THSD7A: variants seen among roughly 807,000 people sequenced by gnomAD.
THSD7A encodes the protein thrombospondin type-1 domain-containing protein 7A.
Under a neutral mutation model 231.3 loss-of-function variants are expected in THSD7A, and 96 were observed. The observed-to-expected ratio is 0.41, with a 90% confidence interval of 0.35 to 0.49. The LOEUF (loss-of-function observed/expected upper bound fraction) is 0.49, where lower values mean the gene tolerates loss of function less well. Among genes scored for constraint, THSD7A ranks in the 20% least tolerant of loss-of-function variants. The pLI is 0.05. For missense variants in THSD7A, 2,290 were observed against 2,070.2 expected (o/e 1.11, Z -2.06); for synonymous variants, 940 against 743.3 (o/e 1.26, Z -4.30).
intron 23 of THSD7A, among the ~76,000 whole-genome samples, chr7:11,400,758 C>A (rs1293244471): frequency 6.6e-6 from 1 of 152,032 alleles, no homozygotes; most frequent in Non-Finnish European, 1.5e-5. Flanking sequence ...TATTCTTTTC[C>A]AACACTTTAA....
chr7:11,697,242 C>T (rs921324306), intron 1 of THSD7A, among the ~76,000 whole-genome samples: 1 of 151,350 alleles, frequency 6.6e-6, no homozygotes. Flanking sequence ...CCTCCAAAAC[C>T]TCATTGCATT....
chr7:11,542,627 G>GA (rs1789200756), intron 5 of THSD7A, among the ~76,000 whole-genome samples: 1 of 152,052 alleles, frequency 6.6e-6, no homozygotes, highest in Non-Finnish European at 1.5e-5. Context: ...GGGGACAAAG[G>GA]TTTAGATATG....
At chr7:11,567,947 A>C (rs1790435368) in intron 4 of THSD7A, among the ~76,000 whole-genome samples, 1 of 152,114 alleles carries the variant, frequency 6.6e-6, no homozygotes, top group Non-Finnish European at 1.5e-5. Flanking sequence ...ATTACTATTA[A>C]TGAGTCCTTA....
At chr7:11,417,402 C>T in intron 17 of THSD7A, 48 bp downstream of exon 17, 5 of 1,469,980 alleles carry the variant, frequency 3.4e-6, no homozygotes, top group Non-Finnish European at 4.5e-6. Context: ...GCTTCAGTGG[C>T]AAATAATTAA....
chr7:11,826,181 G>T (rs1214907660), intron 1 of THSD7A, among the ~76,000 whole-genome samples: 1 of 152,180 alleles, frequency 6.6e-6, no homozygotes, highest in Non-Finnish European at 1.5e-5. Flanking sequence ...GTAATGTCCT[G>T]CATTAGATGA....
intron 1 of THSD7A, among the ~76,000 whole-genome samples, chr7:11,716,084 G>C (rs1781125676): frequency 6.6e-6 from 1 of 151,482 alleles, no homozygotes; most frequent in Non-Finnish European, 1.5e-5. Flanking sequence ...CTCTCAATTA[G>C]AACACTAAGT....
intron 1 of THSD7A, among the ~76,000 whole-genome samples, chr7:11,772,552 A>T (rs1162506163): frequency 1.3e-5 from 2 of 152,214 alleles, no homozygotes; most frequent in Non-Finnish European, 2.9e-5. Flanking sequence ...ATAAAAAAAG[A>T]AATCATGTCC....
chr7:11,503,144 C>A (rs1225814987), intron 6 of THSD7A, among the ~76,000 whole-genome samples: 1 of 152,028 alleles, frequency 6.6e-6, no homozygotes, highest in African/African-American at 2.4e-5. Context: ...ATAGAGAGCC[C>A]AGAAATAAGG....
chr7:11,591,698 A>G (rs1439967823), intron 3 of THSD7A, among the ~76,000 whole-genome samples: 1 of 152,170 alleles, frequency 6.6e-6, no homozygotes, highest in Non-Finnish European at 1.5e-5. Context: ...GGTCATGAAG[A>G]AACAACACCT....
chr7:11,511,922 A>G (rs1216528265), intron 6 of THSD7A, among the ~76,000 whole-genome samples: 1 of 152,238 alleles, frequency 6.6e-6, no homozygotes, highest in Non-Finnish European at 1.5e-5. Context: ...ACAAAAGCCA[A>G]AATTGACAAA....
At chr7:11,503,293 C>T (rs114842686) in intron 6 of THSD7A, among the ~76,000 whole-genome samples, 1,792 of 152,220 alleles carry the variant, frequency 0.012, 39 homozygotes, top group African/African-American at 0.041. Flanking sequence ...CTTTCTTATG[C>T]CATATACAAA....
intron 24 of THSD7A, among the ~76,000 whole-genome samples, chr7:11,380,743 T>C (rs1562562393): frequency 1.3e-5 from 2 of 152,188 alleles, no homozygotes; most frequent in Non-Finnish European, 1.5e-5. Flanking sequence ...CTATTTGTCA[T>C]AAAGAATCTC....
At chr7:11,528,378 G>A (rs989853387) in intron 6 of THSD7A, among the ~76,000 whole-genome samples, 1 of 152,070 alleles carries the variant, frequency 6.6e-6, no homozygotes, top group Non-Finnish European at 1.5e-5. Context: ...TGGGTCACAT[G>A]TTCATCCTTA....
chr7:11,485,226 A>G (rs1268130245), intron 6 of THSD7A, among the ~76,000 whole-genome samples: 2 of 152,122 alleles, frequency 1.3e-5, no homozygotes. Flanking sequence ...GGTAATTTCT[A>G]TGCATATCAA....
Position 11,550,063 on chromosome 7 carries a change from G to T in THSD7A, c.1454-6946C>A, listed in dbSNP as rs146435115. On this transcript the variant is annotated intron_variant, in intron 4 of 27. Coordinates refer to ENST00000423059, the MANE Select transcript of THSD7A (RefSeq NM_015204.3). ...GGTAAAACTATCTCTCTTCACAGAT[G>T]ATATGCTTTTATACCTAGAAAACCC... Among the ~76,000 whole-genome samples, 20 of 152,214 alleles carry T rather than the reference G, an allele frequency of 1.3e-4. No homozygotes were observed. The East Asian group carries it at 3.9e-3, about 29-fold the overall frequency.
intron 1 of THSD7A, among the ~76,000 whole-genome samples, chr7:11,735,228 G>C (rs1781875136): frequency 6.6e-6 from 1 of 151,572 alleles, no homozygotes; most frequent in Non-Finnish European, 1.5e-5. Context: ...ATTAGTTGGT[G>C]GTATTTTTGG....
chr7:11,706,804 A>G (rs1780784603), intron 1 of THSD7A, among the ~76,000 whole-genome samples: 1 of 150,530 alleles, frequency 6.6e-6, no homozygotes, highest in Admixed American at 6.7e-5. Flanking sequence ...ATTAAAGTAC[A>G]TTTATCAGAG....
At position 11,823,772 on chromosome 7, in the gene THSD7A, T is replaced by C. The variant is rs191755681; in HGVS notation, c.190+7985A>G. On this transcript the variant is annotated intron_variant, in intron 1 of 27. Transcript: ENST00000423059. Reference sequence around the variant, plus strand: ...TCAGCTAGATCATTATTGGTATATATGAATGCTTTTAATTGTTTTATCACT... The same window carrying C: ...TCAGCTAGATCATTATTGGTATATACGAATGCTTTTAATTGTTTTATCACT... Among the ~76,000 whole-genome samples the C allele has an allele frequency of 2.5e-4, 38 of 152,156 alleles. No individual in the cohort carries two copies. In the East Asian group the frequency reaches 6.6e-3, roughly 26 times the overall value.
At chr7:11,740,757 C>A (rs186639142) in intron 1 of THSD7A, among the ~76,000 whole-genome samples, 2 of 152,016 alleles carry the variant, frequency 1.3e-5, no homozygotes, top group Non-Finnish European at 2.9e-5. Context: ...TATGTCAGTA[C>A]CAGAAAGTAT....
Sources: gnomAD v4.1 joint callset for allele counts (sites outside exome capture counted in the v4.1 genomes callset) on GRCh38, gnomAD v4.1.1 for gene constraint, MANE v1.5 for transcripts, NCBI Gene and HGNC (gene_info 2026-07-23, HGNC 2026-07-21) for gene names.